DPP10: variants seen among roughly 807,000 people sequenced by gnomAD.
DPP10 encodes the protein inactive dipeptidyl peptidase 10.
In DPP10, 33 loss-of-function variants were observed where a neutral mutation model predicts 120.9. The observed-to-expected ratio is 0.27, with a 90% CI of 0.21 to 0.37. The LOEUF (loss-of-function observed/expected upper bound fraction) is 0.37, where lower values mean the gene tolerates loss of function less well. Among genes scored for constraint, DPP10 ranks in the 10% least tolerant of loss-of-function variants. The pLI, the probability that DPP10 is intolerant of heterozygous loss-of-function variation, is 1.00. For missense variants in DPP10, 816 were observed against 942.8 expected, an observed-to-expected ratio of 0.87 and a Z score of 1.76; for synonymous variants, 337 against 326.1, an observed-to-expected ratio of 1.03 and a Z score of -0.36.
intron 1 of DPP10, among the ~76,000 whole-genome samples, chr2:115,243,770 A>T (rs2058396166): frequency 8.5e-6 from 1 of 117,050 alleles, no homozygotes; most frequent in Admixed American, 8.5e-5. Flanking sequence ...TTTTTTTTAA[A>T]CTATTTTTTT....
At chr2:114,799,772 C>T (rs1236565956) in intron 1 of DPP10, among the ~76,000 whole-genome samples, 2 of 152,072 alleles carry the variant, frequency 1.3e-5, no homozygotes, top group Admixed American at 1.3e-4. Context: ...TAAGAAGTAG[C>T]TTTAAAATAA....
intron 3 of DPP10, among the ~76,000 whole-genome samples, chr2:115,389,049 A>G (rs965821931): frequency 6.6e-6 from 1 of 152,164 alleles, no homozygotes; most frequent in African/African-American, 2.4e-5. Context: ...TTCCTTTACC[A>G]AATCATATGA....
chr2:115,486,206 T>C (rs1301565774), intron 3 of DPP10, among the ~76,000 whole-genome samples: 7 of 151,422 alleles, frequency 4.6e-5, no homozygotes, highest in African/African-American at 1.7e-4. Flanking sequence ...TATGCTGATA[T>C]TAACCATGAC....
At position 114,652,118 on chromosome 2, in the gene DPP10, G is replaced by A. The variant is rs116102962; in HGVS notation, c.60+209280G>A. 5.8e-3 allele frequency among the ~76,000 whole-genome samples: 885 copies of A among 152,254 alleles called. 8 individuals carry two copies. The highest frequency in any genetic ancestry group is 0.02 in the African/African-American group (827 of 41,526). On this transcript the variant is annotated intron_variant, in intron 1 of 25. Transcript: ENST00000410059. ...AAATGGGGCTTGAGAGCCCACATCC[G>A]GTAATCCTTTAGAATTTCAAACATA... is the stretch of plus-strand genomic sequence containing the variant.
chr2:115,573,110 G>A (rs2081432344), intron 5 of DPP10, among the ~76,000 whole-genome samples: 1 of 152,048 alleles, frequency 6.6e-6, no homozygotes. Flanking sequence ...TAATATGCAG[G>A]TAGAGCCTGA....
At chr2:115,568,157 G>A (rs1409359273) in intron 5 of DPP10, among the ~76,000 whole-genome samples, 3 of 138,922 alleles carry the variant, frequency 2.2e-5, no homozygotes, top group Admixed American at 1.5e-4. Context: ...CAGCCTGGGT[G>A]ACAAGAGAGA....
At chr2:115,235,660 C>A (rs538155555) in intron 1 of DPP10, among the ~76,000 whole-genome samples, 2 of 152,114 alleles carry the variant, frequency 1.3e-5, no homozygotes, top group African/African-American at 4.8e-5. Context: ...CTCCCTGATT[C>A]AAGCGATTGT....
chr2:115,211,821 G>A (rs2056533760), intron 1 of DPP10, among the ~76,000 whole-genome samples: 1 of 152,142 alleles, frequency 6.6e-6, no homozygotes, highest in African/African-American at 2.4e-5. Context: ...AGTTAGAGAT[G>A]TGTGCGTGTG....
At chr2:114,751,073 T>C (rs2106040360) in intron 1 of DPP10, among the ~76,000 whole-genome samples, 1 of 152,344 alleles carries the variant, frequency 6.6e-6, no homozygotes, top group Admixed American at 6.5e-5. Context: ...TCTGCTTTTT[T>C]CCTTGGAGAC....
intron 19 of DPP10, among the ~76,000 whole-genome samples, chr2:115,797,460 A>G (rs1684667626): frequency 6.6e-6 from 1 of 152,038 alleles, no homozygotes; most frequent in Non-Finnish European, 1.5e-5. Flanking sequence ...CAAAAATAGT[A>G]CATATACCGT....
At chr2:115,612,805 TAG>T (rs551195843) in intron 5 of DPP10, among the ~76,000 whole-genome samples, 5 of 152,146 alleles carry the variant, frequency 3.3e-5, no homozygotes, top group African/African-American at 1.2e-4. Flanking sequence ...AATTATGAAA[TAG>T]AGAGAGTGGT....
At chr2:115,632,559 T>A (rs963374453) in intron 5 of DPP10, among the ~76,000 whole-genome samples, 22 of 152,306 alleles carry the variant, frequency 1.4e-4, no homozygotes, top group African/African-American at 5.1e-4. Flanking sequence ...CCCTCAGCAT[T>A]TACTTTTCTG....
chr2:115,056,704 C>T (rs1044878627), intron 1 of DPP10, among the ~76,000 whole-genome samples: 15 of 152,100 alleles, frequency 9.9e-5, no homozygotes, highest in African/African-American at 3.1e-4. Context: ...AAGTCCAATG[C>T]TACACATCCT....
At chr2:114,545,998 G>A (rs965756005) in intron 1 of DPP10, among the ~76,000 whole-genome samples, 1 of 152,026 alleles carries the variant, frequency 6.6e-6, no homozygotes, top group Non-Finnish European at 1.5e-5. Flanking sequence ...CATATTGATG[G>A]TCTCTATTTT....
intron 1 of DPP10, among the ~76,000 whole-genome samples, chr2:115,291,643 G>A (rs961163268): frequency 1.3e-5 from 2 of 151,840 alleles, no homozygotes; most frequent in Admixed American, 1.3e-4. Flanking sequence ...TGGATGTGTT[G>A]ATGCCTAAGC....
Position 115,746,189 on chromosome 2 carries a change from C to A in DPP10, c.950+6C>A. On this transcript the variant is annotated splice_donor_region_variant and intron_variant, in intron 10 of 25. Coordinates refer to ENST00000410059, the MANE Select transcript of DPP10 (RefSeq NM_020868.6). ...CCTGACAGCTTTAAATCAAGGTATG[C>A]AATTTCAATTTCACTTTTATGGGGA... 1.9e-6 allele frequency: 3 copies of A among 1,597,912 alleles called. No homozygotes were observed. The highest frequency in any genetic ancestry group is 2.2e-5 in the East Asian group (1 of 44,636).
At chr2:114,697,649 C>T (rs1700143775) in intron 1 of DPP10, among the ~76,000 whole-genome samples, 1 of 149,698 alleles carries the variant, frequency 6.7e-6, no homozygotes. Flanking sequence ...ACTTGAGAGG[C>T]TAAGGCAGGA....
At position 115,494,600 on chromosome 2, in the gene DPP10, A is replaced by C. The variant is rs556078030; in HGVS notation, c.272-4910A>C. Reference sequence around the variant, plus strand: ...TCTAGATTTACCATTGATATATTTAATTAAAGAATAAAATCTTGTTGTTTA... The same window carrying C: ...TCTAGATTTACCATTGATATATTTACTTAAAGAATAAAATCTTGTTGTTTA... On this transcript the variant is annotated intron_variant, in intron 3 of 25. Coordinates refer to ENST00000410059, the MANE Select transcript of DPP10 (RefSeq NM_020868.6). Among the ~76,000 whole-genome samples, 3 of 152,304 alleles carry C rather than the reference A, an allele frequency of 2.0e-5. No homozygotes were observed. In the East Asian group the frequency reaches 5.8e-4, roughly 29 times the overall value.
At chr2:115,321,186 C>T (rs954276829) in intron 2 of DPP10, among the ~76,000 whole-genome samples, 8 of 151,868 alleles carry the variant, frequency 5.3e-5, no homozygotes, top group African/African-American at 9.7e-5. Context: ...CTGTAATCCC[C>T]GCTCCTTGGG....
Sources: gnomAD v4.1 joint callset for allele counts (sites outside exome capture counted in the v4.1 genomes callset) on GRCh38, gnomAD v4.1.1 for gene constraint, MANE v1.5 for transcripts, NCBI Gene and HGNC (gene_info 2026-07-23, HGNC 2026-07-21) for gene names.